NUS1: variants seen among roughly 807,000 people sequenced by gnomAD.
The protein encoded by NUS1 is dehydrodolichyl diphosphate synthase complex subunit NUS1.
For missense variants in NUS1, 292 were observed against 382.9 expected (o/e 0.76, Z 1.98); for synonymous variants, 135 against 155.2 (o/e 0.87, Z 0.97).
In NUS1 at chr6:117,709,753, A is replaced by G. The variant is rs1267882708; in HGVS notation, c.*2738A>G. On this transcript the variant is annotated 3_prime_UTR_variant, in exon 5 of 5. Transcript: ENST00000368494. ...TAAGGAATCAAATTTATTGAATTTT[A>G]TTATTGAAAGTTGAAACTTAACATG... is the stretch of plus-strand genomic sequence containing the variant. The G allele has an allele frequency of 6.6e-6, 1 of 152,568 alleles. No homozygotes were observed. The highest frequency in any genetic ancestry group is 1.5e-5 in the Non-Finnish European group (1 of 67,990). The allele number at this position is 152,568 out of a possible 1,614,324, so 9.5% of individuals were successfully genotyped here.
intron 3 of NUS1, among the ~76,000 whole-genome samples, chr6:117,702,367 TG>T (rs1773423236): frequency 2.6e-5 from 4 of 152,338 alleles, no homozygotes; most frequent in South Asian, 2.1e-4. Context: ...AGAGCTATAC[TG>T]GTAAAATGTA....
chr6:117,690,979 CAAAAAAAA>C (rs71736900), intron 1 of NUS1, among the ~76,000 whole-genome samples: 1 of 73,294 alleles, frequency 1.4e-5, no homozygotes, highest in Non-Finnish European at 2.4e-5. Context: ...GAGTCTGTCT[CAAAAAAAA>C]AAAAAAAAAA....
At chr6:117,697,972 A>C (rs1773346024) in intron 3 of NUS1, among the ~76,000 whole-genome samples, 1 of 152,090 alleles carries the variant, frequency 6.6e-6, no homozygotes, top group Non-Finnish European at 1.5e-5. Flanking sequence ...CTCTGACCAC[A>C]ATGGAATAAA....
chr6:117,695,261 A>T (rs906005378), intron 3 of NUS1, among the ~76,000 whole-genome samples: 3 of 151,154 alleles, frequency 2.0e-5, no homozygotes, highest in Non-Finnish European at 4.4e-5. Flanking sequence ...TATTTACTTA[A>T]CTCTCCATTC....
chr6:117,695,338 C>T (rs1305824214), intron 3 of NUS1, among the ~76,000 whole-genome samples: 1 of 151,844 alleles, frequency 6.6e-6, no homozygotes, highest in African/African-American at 2.4e-5. Context: ...CTTGGTTTCG[C>T]TAACTTCCTA....
chr6:117,697,810 T>A (rs910550810), intron 3 of NUS1, among the ~76,000 whole-genome samples: 3 of 152,004 alleles, frequency 2.0e-5, no homozygotes, highest in Admixed American at 6.6e-5. Context: ...ACCAAATGGA[T>A]CTAATAGATA....
At chr6:117,695,193 CAAAAAAAAAAAA>C (rs58136219) in intron 3 of NUS1, among the ~76,000 whole-genome samples, 24 of 55,238 alleles carry the variant, frequency 4.3e-4, no homozygotes, top group Admixed American at 3.3e-4. Flanking sequence ...GACCCTGTCT[CAAAAAAAAAAAA>C]AAAAAAAAAA....
In NUS1 at chr6:117,676,076, G is replaced by T; in HGVS notation, c.406G>T (p.Asp136Tyr). The T allele has an allele frequency of 1.3e-6, 2 of 1,550,874 alleles. No homozygotes were observed. The highest frequency in any genetic ancestry group is 1.2e-5 in the South Asian group (1 of 84,014). The change falls in exon 1 of 5, where the codon GAC (aspartate) becomes TAC (tyrosine). Residue 136 changes from aspartate to tyrosine, a missense_variant. Coordinates refer to ENST00000368494, the MANE Select transcript of NUS1 (RefSeq NM_138459.5). ...GGGCATCTCCTACATTAGCGTCTAC[G>T]ACCACCAAGGTGAGGCCCGGTGCGG... ...AVGISYISVY[D>Y]HQGIFKRNNS...
chr6:117,697,820 A>G (rs1240108585), intron 3 of NUS1, among the ~76,000 whole-genome samples: 2 of 152,154 alleles, frequency 1.3e-5, no homozygotes, highest in East Asian at 3.8e-4. Context: ...TCTAATAGAT[A>G]TTTACAAAAC....
chr6:117,678,712 G>A (rs1184970977), intron 1 of NUS1, among the ~76,000 whole-genome samples: 5 of 122,194 alleles, frequency 4.1e-5, no homozygotes, highest in East Asian at 2.3e-4. Context: ...ACGGAGTCTC[G>A]CTCTGTCACC....
rs182418439 is a variant in NUS1 at position 117,704,480 on chromosome 6, T to C, written c.791+776T>C. Among the ~76,000 whole-genome samples the C allele has an allele frequency of 1.8e-3, 278 of 152,342 alleles. 1 individual carries two copies. Among genetic ancestry groups the C allele is most frequent in the African/African-American group, 6.3e-3 (261 of 41,594 alleles). On this transcript the variant is annotated intron_variant, in intron 4 of 4. Transcript: ENST00000368494. The stretch of plus-strand genomic sequence containing the variant: ...CTCTATTGCATCTATGCAACTCTGC[T>C]GCTATAGCTAAACAACCATGGATGA...
chr6:117,675,883 C>T lies in NUS1; in HGVS notation c.213C>T (p.His71=). 2.6e-6 allele frequency: 4 copies of T among 1,534,594 alleles called. No individual in the cohort carries two copies. The South Asian group carries it at 3.7e-5, about 14-fold the overall frequency. ...GCAGGAACCGCCGTCACCACCGGCA[C>T]CCGCGCGGGGGGTCGTGCCTGGCAG... ...AVGRNRRHHR[H]PRGGSCLAAA... is the part of the protein sequence containing the mutation. Residue 71 remains histidine (H), a synonymous_variant, in exon 1 of 5, where the codon CAC becomes CAT. Coordinates refer to ENST00000368494, the MANE Select transcript of NUS1 (RefSeq NM_138459.5).
intron 3 of NUS1, among the ~76,000 whole-genome samples, chr6:117,700,615 C>T (rs1773392576): frequency 6.6e-6 from 1 of 152,172 alleles, no homozygotes; most frequent in African/African-American, 2.4e-5. Flanking sequence ...ATCCAGTAAT[C>T]CCACTGCTAG....
At position 117,710,210 on chromosome 6, in the gene NUS1, C is replaced by T. The variant is rs1426058563; in HGVS notation, c.*3195C>T. 1 of 152,072 alleles carries T rather than the reference C, an allele frequency of 6.6e-6. No homozygotes were observed. The highest frequency in any genetic ancestry group is 1.9e-4 in the East Asian group (1 of 5,200). The allele number at this position is 152,072 out of a possible 1,614,324, so 9.4% of individuals were successfully genotyped here. On this transcript the variant is annotated 3_prime_UTR_variant, in exon 5 of 5. Transcript: ENST00000368494. ...TGTCTTATGCTGCATAGACTATTCACCTCCTAACTTGAAGGTCTAATCATA... is the reference window on the plus strand; with the variant it reads ...TGTCTTATGCTGCATAGACTATTCATCTCCTAACTTGAAGGTCTAATCATA...
intron 1 of NUS1, among the ~76,000 whole-genome samples, chr6:117,688,653 C>G (rs752261580): frequency 9.9e-5 from 15 of 152,216 alleles, no homozygotes; most frequent in Middle Eastern, 6.8e-3. Flanking sequence ...GTTCCGAGAG[C>G]TAGCTTTATT....
intron 1 of NUS1, among the ~76,000 whole-genome samples, chr6:117,688,083 C>T (rs1424738333): frequency 6.6e-6 from 1 of 152,120 alleles, no homozygotes; most frequent in East Asian, 1.9e-4. Flanking sequence ...ATTAGCTGGG[C>T]ACAGTGATAT....
chr6:117,695,193 CAAAAAA>C lies in NUS1; in HGVS notation c.691+1036_691+1041del, dbSNP rs58136219. Among the ~76,000 whole-genome samples the C allele has an allele frequency of 1.1e-4, 6 of 55,234 alleles. No individual in the cohort carries two copies. In the East Asian group the frequency reaches 3.2e-3, roughly 30 times the overall value. The allele number at this position is 55,234 out of a possible 152,430, so 36.2% of individuals were successfully genotyped here. On this transcript the variant is annotated intron_variant, in intron 3 of 4. Transcript: ENST00000368494. ...TGGGTGACGGAGTGAGACCCTGTCT[CAAAAAA>C]AAAAAAAAAAAAAAAAAAAAAAGAA... is the stretch of plus-strand genomic sequence containing the variant.
intron 1 of NUS1, among the ~76,000 whole-genome samples, chr6:117,678,358 G>T (rs886173602): frequency 6.6e-6 from 1 of 152,118 alleles, no homozygotes; most frequent in Non-Finnish European, 1.5e-5. Context: ...GACAGTTGGG[G>T]TCTGTTAAGT....
intron 3 of NUS1, among the ~76,000 whole-genome samples, chr6:117,695,999 CTGTT>C (rs998604105): frequency 1.1e-4 from 17 of 151,982 alleles, no homozygotes; most frequent in African/African-American, 2.9e-4. Flanking sequence ...TGCTGTATGA[CTGTT>C]TGTGTACAAG....
Sources: gnomAD v4.1 joint callset for allele counts (sites outside exome capture counted in the v4.1 genomes callset) on GRCh38, gnomAD v4.1.1 for gene constraint, MANE v1.5 for transcripts, NCBI Gene and HGNC (gene_info 2026-07-23, HGNC 2026-07-21) for gene names.